Variants in INO80D observed in about 807,000 individuals in gnomAD.
INO80D encodes the protein INO80 complex subunit D.
INO80D carries 21 observed loss-of-function variants against 87.6 expected under a neutral mutation model. The ratio of observed to expected loss-of-function variants is 0.24; its 90% confidence interval spans 0.17 to 0.35. The LOEUF (loss-of-function observed/expected upper bound fraction) is 0.35, where lower values mean the gene tolerates loss of function less well. INO80D is among the 10% of genes least tolerant of loss of function. The pLI is 1.00. For missense variants in INO80D, 982 were observed against 1,280.7 expected, an observed-to-expected ratio of 0.77 and a Z score of 3.56; for synonymous variants, 440 against 491.0, an observed-to-expected ratio of 0.90 and a Z score of 1.37.
At chr2:206,078,649 A>C (rs1575895790) in intron 1 of INO80D, among the ~76,000 whole-genome samples, 1 of 75,434 alleles carries the variant, frequency 1.3e-5, no homozygotes, top group African/African-American at 7.7e-5. Flanking sequence ...CAAAAACAAC[A>C]AAAAAAGAAA....
chr2:206,025,542 A>AAAAAAAAAAAAAAAAAAAAATATAT (rs71301548), intron 6 of INO80D: 1 of 76,938 alleles, frequency 1.3e-5, no homozygotes, highest in Non-Finnish European at 2.6e-5. Flanking sequence ...AAAAAAAAAA[A>AAAAAAAAAAAAAAAAAAAAATATAT]ATATATATAT....
chr2:206,022,815 G>A (rs1466949917), intron 6 of INO80D, among the ~76,000 whole-genome samples: 1 of 152,172 alleles, frequency 6.6e-6, no homozygotes, highest in Non-Finnish European at 1.5e-5. Context: ...CCGGGTTCAA[G>A]CAATTCTCCC....
At chr2:206,065,569 G>C (rs1689792847) in intron 1 of INO80D, among the ~76,000 whole-genome samples, 1 of 152,126 alleles carries the variant, frequency 6.6e-6, no homozygotes, top group South Asian at 2.1e-4. Flanking sequence ...CTTCTGCACA[G>C]CAAAGGAACA....
chr2:206,083,196 A>T (rs986452154), intron 1 of INO80D, among the ~76,000 whole-genome samples: 1 of 152,232 alleles, frequency 6.6e-6, no homozygotes, highest in Admixed American at 6.5e-5. Flanking sequence ...AAATTAATAC[A>T]TGTTTGAGGT....
intron 8 of INO80D, among the ~76,000 whole-genome samples, chr2:206,016,344 A>G (rs2105812942): frequency 1.3e-5 from 2 of 152,034 alleles, no homozygotes; most frequent in Middle Eastern, 6.8e-3. Flanking sequence ...GTTTTGGCCA[A>G]TTTCTCCCAT....
At chr2:206,032,647 G>A (rs1482169148) in intron 5 of INO80D, among the ~76,000 whole-genome samples, 1 of 152,130 alleles carries the variant, frequency 6.6e-6, no homozygotes, top group Non-Finnish European at 1.5e-5. Context: ...AAGCTAGAAG[G>A]GATTGGGGCC....
intron 4 of INO80D, among the ~76,000 whole-genome samples, chr2:206,053,239 C>T (rs1238138728): frequency 3.3e-5 from 5 of 151,806 alleles, no homozygotes; most frequent in East Asian, 3.9e-4. Context: ...TATACATCTA[C>T]GACAGTTTAT....
At position 205,999,328 on chromosome 2, in the gene INO80D, G is replaced by T. The variant is rs1423758885; in HGVS notation, c.*5040C>A. Reference sequence around the variant, plus strand: ...TGGGCAGACGCAAGAAGGCGAAAGAGAAGATGGAAAGCTGTGCTGCCCTAT... The same window carrying T: ...TGGGCAGACGCAAGAAGGCGAAAGATAAGATGGAAAGCTGTGCTGCCCTAT... On this transcript the variant is annotated 3_prime_UTR_variant, in exon 11 of 11. Transcript: ENST00000403263. 6.6e-6 allele frequency: 1 copy of T among 152,338 alleles called. No individual in the cohort carries two copies. The highest frequency in any genetic ancestry group is 2.4e-5 in the African/African-American group (1 of 41,464). The allele number at this position is 152,338 out of a possible 1,614,324, so 9.4% of individuals were successfully genotyped here.
rs1461725074 is a variant in INO80D, at chr2:205,995,302, A to G, written c.*9066T>C. 1 of 152,204 alleles carries G rather than the reference A, an allele frequency of 6.6e-6. No individual in the cohort carries two copies. The highest frequency in any genetic ancestry group is 1.5e-5 in the Non-Finnish European group (1 of 68,028). The allele number at this position is 152,204 out of a possible 1,614,324, so 9.4% of individuals were successfully genotyped here. ...TGGGACAGATGGCATTTTTAAAATG[A>G]CAGTCTCCCTTTCAGTTAAGAAAAA... On this transcript the variant is annotated 3_prime_UTR_variant, in exon 11 of 11. Coordinates refer to ENST00000403263, the MANE Select transcript of INO80D (RefSeq NM_017759.5).
At chr2:206,068,699 TTTTTC>T (rs888008059) in intron 1 of INO80D, among the ~76,000 whole-genome samples, 1 of 152,160 alleles carries the variant, frequency 6.6e-6, no homozygotes, top group African/African-American at 2.4e-5. Flanking sequence ...GAGCAATTTT[TTTTTC>T]TTTTCTTTTT....
rs1332984704 is a variant in INO80D, at chr2:206,004,700, G to A, written c.2752C>T (p.Leu918=). ...GADGHLLSTS[L]STPPTTSNSE... ...TTCGAAGTGGTGGGTGGCGTGGATA[G>A]GGAAGTGGAAAGAAGATGTCCATCT... The change falls in exon 11 of 11, where the codon CTA becomes TTA. Residue 918 remains leucine, a synonymous_variant. Transcript: ENST00000403263. The surrounding 1 kb of genome is among the most constrained non-coding windows in gnomAD (Gnocchi z 4.9). 1 of 1,613,988 alleles carries A rather than the reference G, an allele frequency of 6.2e-7. No individual in the cohort carries two copies. The highest frequency in any genetic ancestry group is 1.7e-5 in the Admixed American group (1 of 60,014).
intron 8 of INO80D, among the ~76,000 whole-genome samples, chr2:206,010,183 G>A (rs1019325351): frequency 6.6e-5 from 10 of 152,006 alleles, no homozygotes; most frequent in African/African-American, 2.4e-4. Context: ...TTTTGTGAAT[G>A]TAGAAAGGCA....
intron 10 of INO80D, 37 bp from the exon 11 acceptor site, chr2:206,005,570 T>G: frequency 1.4e-6 from 2 of 1,466,396 alleles, no homozygotes; most frequent in Non-Finnish European, 1.9e-6. Flanking sequence ...CAGTAGAGCT[T>G]TTACCAGTTC....
intron 1 of INO80D, among the ~76,000 whole-genome samples, chr2:206,084,152 G>C (rs1008100743): frequency 6.7e-6 from 1 of 149,762 alleles, no homozygotes; most frequent in Admixed American, 6.7e-5. Context: ...GAAAACATAC[G>C]TGTGTGTGTA....
intron 5 of INO80D, among the ~76,000 whole-genome samples, chr2:206,042,603 C>T (rs908573876): frequency 1.3e-5 from 2 of 150,894 alleles, no homozygotes; most frequent in African/African-American, 4.9e-5. Flanking sequence ...ATCACTTGAA[C>T]TCGGGGGGCG....
At chr2:206,019,915 G>A (rs1196878102) in intron 6 of INO80D, 70 bp from the exon 7 acceptor site, 15 of 1,114,550 alleles carry the variant, frequency 1.3e-5, no homozygotes, top group Non-Finnish European at 1.9e-5. Context: ...TTTTCAACAT[G>A]ATGTCACAAC....
rs199716348 is a variant in INO80D at position 206,020,606 on chromosome 2, A to AT, written c.1299-762dup. 3.3e-5 allele frequency among the ~76,000 whole-genome samples: 5 copies of AT among 151,694 alleles called. No individual in the cohort carries two copies. In the South Asian group the frequency reaches 1.0e-3, roughly 32 times the overall value. ...GTGCAATCCATGTTTCATTATTTAAATTTTTTTTTATCTCCACTTTGTACA... is the reference window on the plus strand; with the variant it reads ...GTGCAATCCATGTTTCATTATTTAAATTTTTTTTTTATCTCCACTTTGTACA... On this transcript the variant is annotated intron_variant, in intron 6 of 10. Transcript: ENST00000403263.
chr2:206,023,890 A>G (rs568591004), intron 6 of INO80D, among the ~76,000 whole-genome samples: 1 of 152,212 alleles, frequency 6.6e-6, no homozygotes, highest in Middle Eastern at 3.4e-3. Flanking sequence ...TTTAAATATC[A>G]CTGATGTCAG....
intron 6 of INO80D, among the ~76,000 whole-genome samples, chr2:206,025,299 G>C (rs535089766): frequency 6.6e-6 from 1 of 151,046 alleles, no homozygotes; most frequent in East Asian, 2.0e-4. Context: ...AGGCCGAGGT[G>C]GGTGGATCAC....
Sources: allele counts gnomAD v4.1 joint callset (sites outside exome capture counted in the v4.1 genomes callset), GRCh38; gene constraint gnomAD v4.1.1; non-coding constraint Gnocchi (gnomAD v3.1); transcripts MANE v1.5; gene names NCBI Gene and HGNC (gene_info 2026-07-23, HGNC 2026-07-21).